Variants in CDC26 observed in about 807,000 individuals in gnomAD.
CDC26 encodes the protein cell division cycle 26.
Under a neutral mutation model 8.0 loss-of-function variants are expected in CDC26, and 2 were observed. The ratio of observed to expected loss-of-function variants is 0.25; its 90% confidence interval spans 0.10 to 0.79. CDC26 has a LOEUF of 0.79. Among genes scored for constraint, CDC26 ranks in the 30% least tolerant of loss-of-function variants. The pLI is 0.70. For synonymous variants in CDC26, 19 were observed against 34.9 expected, an observed-to-expected ratio of 0.55 and a Z score of 1.60; for missense variants, 68 against 106.0, an observed-to-expected ratio of 0.64 and a Z score of 1.57.
intron 3 of CDC26, among the ~76,000 whole-genome samples, chr9:113,268,526 A>G (rs1831901723): frequency 6.6e-6 from 1 of 152,236 alleles, no homozygotes; most frequent in South Asian, 2.1e-4. Flanking sequence ...ATGATGTTTT[A>G]TCCAAAGTTA....
chr9:113,273,891 A>G (rs1444689181), intron 1 of CDC26, among the ~76,000 whole-genome samples: 1 of 150,774 alleles, frequency 6.6e-6, no homozygotes, highest in Non-Finnish European at 1.5e-5. Context: ...AGGTAATACT[A>G]TGTTAACAAA....
chr9:113,268,733 T>C (rs1196274010), intron 3 of CDC26, among the ~76,000 whole-genome samples: 2 of 151,898 alleles, frequency 1.3e-5, no homozygotes, highest in African/African-American at 4.8e-5. Flanking sequence ...CTGGGCAACA[T>C]AGTGACACTC....
intron 3 of CDC26, among the ~76,000 whole-genome samples, chr9:113,271,689 T>C (rs919985766): frequency 2.6e-5 from 4 of 152,240 alleles, no homozygotes; most frequent in African/African-American, 7.2e-5. Flanking sequence ...TCTTAAGCGA[T>C]GAAGTTTGTG....
At position 113,267,033 on chromosome 9, in the gene CDC26, A is replaced by T; in HGVS notation, c.*230T>A. The stretch of plus-strand genomic sequence containing the variant: ...TTTTTCCAAAAATATATTTATTTTT[A>T]AAAACAGAAAATCAGATCAGTTTTA... On this transcript the variant is annotated 3_prime_UTR_variant, in exon 4 of 4. Coordinates refer to ENST00000374206, the MANE Select transcript of CDC26 (RefSeq NM_139286.4). 2 of 446,798 alleles carry T rather than the reference A, an allele frequency of 4.5e-6. No individual in the cohort carries two copies. The highest frequency in any genetic ancestry group is 7.7e-6 in the Non-Finnish European group (2 of 258,302). The allele number at this position is 446,798 out of a possible 1,614,324, so 27.7% of individuals were successfully genotyped here. A position where few individuals can be genotyped will look rare whatever the true frequency, so the allele number is the denominator to read the frequency against.
At chr9:113,273,163 G>T (rs1177373130) in intron 2 of CDC26, among the ~76,000 whole-genome samples, 166 bp downstream of exon 2, 1 of 152,182 alleles carries the variant, frequency 6.6e-6, no homozygotes, top group Non-Finnish European at 1.5e-5. Flanking sequence ...CACATTCAAA[G>T]AACTACTCTA....
At position 113,275,525 on chromosome 9, in the gene CDC26, G is replaced by A. The variant is rs1043890336; in HGVS notation, c.-295C>T. 15 of 494,012 alleles carry A rather than the reference G, an allele frequency of 3.0e-5. No individual in the cohort carries two copies. Among genetic ancestry groups the A allele is most frequent in the African/African-American group, 2.8e-4 (14 of 49,800 alleles). 30.6% of individuals were successfully genotyped at this position (494,012 alleles called of 1,614,324 possible). ...TCGTCTTCCGCGAGCTTTTCCTGGA[G>A]GTTCTAGGAGGGATGCCCCTCAATG... On this transcript the variant is annotated 5_prime_UTR_variant, in exon 1 of 4. Transcript: ENST00000374206.
chr9:113,269,336 T>C (rs1831917110), intron 3 of CDC26, among the ~76,000 whole-genome samples: 1 of 152,358 alleles, frequency 6.6e-6, no homozygotes. Context: ...TAGTAAGTGA[T>C]GTTAGAAAGT....
At chr9:113,272,646 G>A in intron 2 of CDC26, 98 bp from the exon 3 acceptor site, 7 of 559,768 alleles carry the variant, frequency 1.3e-5, no homozygotes, top group East Asian at 3.3e-5. Context: ...AAAGTGAATG[G>A]AAATATTAAA....
At chr9:113,274,525 C>A (rs1350910690) in intron 1 of CDC26, among the ~76,000 whole-genome samples, 2 of 150,494 alleles carry the variant, frequency 1.3e-5, no homozygotes, top group Non-Finnish European at 3.0e-5. Flanking sequence ...GATAGGGATA[C>A]CTAAAAGGGG....
intron 1 of CDC26, among the ~76,000 whole-genome samples, chr9:113,274,968 G>C (rs910755981): frequency 6.6e-6 from 1 of 152,118 alleles, no homozygotes; most frequent in African/African-American, 2.4e-5. Flanking sequence ...GCAGAGAGAC[G>C]TACAGAGTTA....
chr9:113,274,422 A>T (rs1337919262), intron 1 of CDC26, among the ~76,000 whole-genome samples: 1 of 152,244 alleles, frequency 6.6e-6, no homozygotes, highest in Non-Finnish European at 1.5e-5. Context: ...TACATTTCAA[A>T]TTCCTTTGTA....
In CDC26 at chr9:113,267,412, C is replaced by T; in HGVS notation, c.109G>A (p.Glu37Lys). 6.3e-7 allele frequency: 1 copy of T among 1,595,996 alleles called. No homozygotes were observed. The highest frequency in any genetic ancestry group is 8.5e-7 in the Non-Finnish European group (1 of 1,174,620). Residue 37 changes from glutamate to lysine, a missense_variant, in exon 4 of 4, where the codon GAA (glutamate) becomes AAA (lysine). Transcript: ENST00000374206. ...TCTCCATCACTGCCTCCTACAACTT[C>T]CACATCTTCCTTCTGTTTCTTACGG... ...ETRKKQKEDV[E>K]VVGGSDGEGA...
chr9:113,274,354 T>C (rs1482228566), intron 1 of CDC26, among the ~76,000 whole-genome samples: 1 of 152,032 alleles, frequency 6.6e-6, no homozygotes, highest in Admixed American at 6.6e-5. Flanking sequence ...AATAGTTCCT[T>C]CTCCCATGAA....
In CDC26 at chr9:113,269,632, A is replaced by G. The variant is rs1161448656; in HGVS notation, c.82-2193T>C. On this transcript the variant is annotated intron_variant, in intron 3 of 3. Transcript: ENST00000374206. ...TGTCTTTAGTGGAAAGACTAACTCA[A>G]TAGTGAGCTGACTGTAGAGTCAAAG... Among the ~76,000 whole-genome samples the G allele has an allele frequency of 2.0e-5, 3 of 152,224 alleles. No individual in the cohort carries two copies. In the South Asian group the frequency reaches 6.2e-4, roughly 31 times the overall value.
At chr9:113,270,857 A>C (rs1427625052) in intron 3 of CDC26, among the ~76,000 whole-genome samples, 1 of 152,234 alleles carries the variant, frequency 6.6e-6, no homozygotes, top group Non-Finnish European at 1.5e-5. Flanking sequence ...TAAGTGCAGA[A>C]AACTACTGAG....
intron 3 of CDC26, among the ~76,000 whole-genome samples, chr9:113,270,879 G>C (rs770573079): frequency 6.6e-6 from 1 of 152,154 alleles, no homozygotes; most frequent in Non-Finnish European, 1.5e-5. Context: ...AGTTTTAAAC[G>C]GGAATGACAG....
chr9:113,272,582 A>G (rs1477620389), intron 2 of CDC26, 34 bp from the exon 3 acceptor site: 1 of 1,032,150 alleles, frequency 9.7e-7, no homozygotes, highest in East Asian at 2.4e-5. Flanking sequence ...GAAAATCTGA[A>G]GGTGATAAAG....
At chr9:113,274,200 G>A (rs1832014588) in intron 1 of CDC26, among the ~76,000 whole-genome samples, 1 of 152,006 alleles carries the variant, frequency 6.6e-6, no homozygotes, top group African/African-American at 2.4e-5. Flanking sequence ...AATAATTTTA[G>A]CCTCCTATAA....
chr9:113,272,906 G>T (rs1831982771), intron 2 of CDC26, among the ~76,000 whole-genome samples: 4 of 152,006 alleles, frequency 2.6e-5, no homozygotes. Context: ...TGCCCAGGCT[G>T]GTCTCAAACT....
Sources: allele counts gnomAD v4.1 joint callset (sites outside exome capture counted in the v4.1 genomes callset), GRCh38; gene constraint gnomAD v4.1.1; transcripts MANE v1.5; gene names NCBI Gene and HGNC (gene_info 2026-07-23, HGNC 2026-07-21).